The following CATSPERE variants were observed in gnomAD, a reference collection of about 807,000 sequenced individuals.
The protein encoded by CATSPERE is cation channel sperm-associated auxiliary subunit epsilon.
CATSPERE carries 93 observed loss-of-function variants against 114.1 expected under a neutral mutation model. That is an observed-to-expected ratio of 0.81 (90% CI 0.69 to 0.97). The LOEUF is 0.97. Ranked by LOEUF, CATSPERE falls within the 50% of genes least tolerant of loss-of-function variation. The pLI is 0.00. For missense variants in CATSPERE, 1,058 were observed against 1,131.6 expected (o/e 0.93, Z 0.93); for synonymous variants, 341 against 384.1 (o/e 0.89, Z 1.31).
At chr1:244,520,873 C>T (rs962824955) in intron 8 of CATSPERE, among the ~76,000 whole-genome samples, 3 of 152,024 alleles carry the variant, frequency 2.0e-5, no homozygotes, top group Admixed American at 1.3e-4. Flanking sequence ...TGAAAAGAAA[C>T]AATTATTATT....
At chr1:244,512,539 T>A (rs3006036) in intron 7 of CATSPERE, among the ~76,000 whole-genome samples, 25,981 of 152,122 alleles carry the variant, frequency 0.17, 2,449 homozygotes, top group African/African-American at 0.24. Context: ...TATTGTCATT[T>A]TTTTCAATTC....
intron 8 of CATSPERE, among the ~76,000 whole-genome samples, chr1:244,545,932 G>A (rs546413940): frequency 6.6e-6 from 1 of 152,320 alleles, no homozygotes; most frequent in East Asian, 1.9e-4. Flanking sequence ...CCTACAATGA[G>A]TTAACAGAGG....
chr1:244,628,255 T>C (rs1209860581), intron 20 of CATSPERE, among the ~76,000 whole-genome samples: 1 of 152,218 alleles, frequency 6.6e-6, no homozygotes, highest in Non-Finnish European at 1.5e-5. Flanking sequence ...TTCAGGCATC[T>C]AGTGGGGGTC....
Position 244,527,405 on chromosome 1 carries a change from G to T in CATSPERE, c.536+8707G>T, listed in dbSNP as rs9429007. ...AAGAAGAGAAATATGGCTCTGTTCC[G>T]CCCGGCTCAGCGGCAGTCAGAGTTT... On this transcript the variant is annotated intron_variant, in intron 8 of 21. Coordinates refer to ENST00000366534, the MANE Select transcript of CATSPERE (RefSeq NM_001130957.2). Among the ~76,000 whole-genome samples the T allele has an allele frequency of 7.2e-3, 1,100 of 152,246 alleles. 14 individuals are homozygous for T. Among genetic ancestry groups the T allele is most frequent in the African/African-American group, 0.025 (1,025 of 41,532 alleles).
chr1:244,451,864 G>A, upstream of CATSPERE: 1 of 1,499,198 alleles, frequency 6.7e-7, no homozygotes, highest in Non-Finnish European at 8.9e-7. The surrounding 1 kb of genome is among the most constrained non-coding windows in gnomAD (Gnocchi z 6.6). Flanking sequence ...GGCCGGCGAG[G>A]AGTGAGCGAA....
In CATSPERE at chr1:244,610,228, A is replaced by G. The variant is rs1443697009; in HGVS notation, c.2404-12A>G. 1.9e-6 allele frequency: 3 copies of G among 1,582,404 alleles called. No individual in the cohort carries two copies. The highest frequency in any genetic ancestry group is 2.6e-6 in the Non-Finnish European group (3 of 1,159,216). On this transcript the variant is annotated splice_polypyrimidine_tract_variant and intron_variant, in intron 18 of 21. Coordinates refer to ENST00000366534, the MANE Select transcript of CATSPERE (RefSeq NM_001130957.2). ...TTCTACCTACCCACATACATGTGCC[A>G]TCTTTTGACAGAGTGGTTGTTTACA...
At position 244,511,522 on chromosome 1, in the gene CATSPERE, T is replaced by A. The variant is rs960258332; in HGVS notation, c.430-7070T>A. ...TGTCATTCTGTTAATTTTTTTCTGG[T>A]TCTTTTGTATATCCTTTGTTCCTTC... On this transcript the variant is annotated intron_variant, in intron 7 of 21. Coordinates refer to ENST00000366534, the MANE Select transcript of CATSPERE (RefSeq NM_001130957.2). 8.5e-5 allele frequency among the ~76,000 whole-genome samples: 13 copies of A among 152,298 alleles called. No homozygotes were observed. The South Asian group carries it at 2.3e-3, about 27-fold the overall frequency.
rs34664118 is a variant in CATSPERE, at chr1:244,558,138, CTTTTTTTTTT to C, written c.1030-2520_1030-2511del. Among the ~76,000 whole-genome samples the C allele has an allele frequency of 3.9e-3, 422 of 109,440 alleles. 2 individuals carry two copies. The highest frequency in any genetic ancestry group is 5.9e-3 in the Non-Finnish European group (342 of 58,382). The allele number at this position is 109,440 out of a possible 152,430, so 71.8% of individuals were successfully genotyped here. ...GGCCCAATTATTTCTCTCTCTCTCT[CTTTTTTTTTT>C]TTTTTTTTTGAGACGGAGTTTTACT... On this transcript the variant is annotated intron_variant, in intron 9 of 21. Transcript: ENST00000366534.
chr1:244,481,798 G>T (rs550099882), intron 5 of CATSPERE, among the ~76,000 whole-genome samples: 89 of 152,318 alleles, frequency 5.8e-4, no homozygotes, highest in Middle Eastern at 6.8e-3. Flanking sequence ...CGAGGACCCA[G>T]TGAGAAGATA....
upstream of CATSPERE, chr1:244,451,820 C>T (rs1361285112): frequency 1.3e-6 from 2 of 1,581,066 alleles, no homozygotes; most frequent in African/African-American, 1.3e-5. The surrounding 1 kb of genome is among the most constrained non-coding windows in gnomAD (Gnocchi z 6.6). Flanking sequence ...AACGCCATGG[C>T]TCCAGTGACG....
chr1:244,529,426 GCACCTTTTCATATACCTATTTAC>G (rs1679244839), intron 8 of CATSPERE, among the ~76,000 whole-genome samples: 1 of 152,110 alleles, frequency 6.6e-6, no homozygotes, highest in African/African-American at 2.4e-5. Flanking sequence ...GTGATGTTGA[GCACCTTTTCATATACCTATTTAC>G]CATTTTTATG....
At position 244,554,884 on chromosome 1, in the gene CATSPERE, CA is replaced by C. The variant is rs570163853; in HGVS notation, c.1029+2078del. On this transcript the variant is annotated intron_variant, in intron 9 of 21. Coordinates refer to ENST00000366534, the MANE Select transcript of CATSPERE (RefSeq NM_001130957.2). ...GATGCACATAAAACACAAAAACCCT[CA>C]AAAAAAATTCTAGCAAACTGAATCA... Among the ~76,000 whole-genome samples, 811 of 152,056 alleles carry C rather than the reference CA, an allele frequency of 5.3e-3. 10 individuals are homozygous for C. The highest frequency in any genetic ancestry group is 0.019 in the African/African-American group (781 of 41,468).
At chr1:244,632,393 C>CA (rs35948602) in intron 20 of CATSPERE, among the ~76,000 whole-genome samples, 82,314 of 109,260 alleles carry the variant, frequency 0.75, 31,233 homozygotes, top group East Asian at 0.84. Flanking sequence ...GACTCCAACT[C>CA]AAAAAAAAAA....
At chr1:244,551,448 G>A (rs1283951703) in intron 8 of CATSPERE, among the ~76,000 whole-genome samples, 1 of 152,180 alleles carries the variant, frequency 6.6e-6, no homozygotes, top group African/African-American at 2.4e-5. Flanking sequence ...GTATATGTAT[G>A]TATGTAGAGA....
chr1:244,627,485 G>C (rs1424696356), intron 20 of CATSPERE, among the ~76,000 whole-genome samples: 1 of 152,026 alleles, frequency 6.6e-6, no homozygotes, highest in African/African-American at 2.4e-5. Flanking sequence ...CTGAGAGGGA[G>C]GATCACTTGA....
At chr1:244,544,410 G>A (rs1381427780) in intron 8 of CATSPERE, among the ~76,000 whole-genome samples, 1 of 152,152 alleles carries the variant, frequency 6.6e-6, no homozygotes, top group East Asian at 1.9e-4. Context: ...TTTAACTTAG[G>A]CCTATCTCAC....
At chr1:244,621,148 A>ATAT (rs1672185897) in intron 20 of CATSPERE, among the ~76,000 whole-genome samples, 1 of 64,792 alleles carries the variant, frequency 1.5e-5, no homozygotes, top group African/African-American at 5.6e-5. Flanking sequence ...AAATATATAT[A>ATAT]TTATAAAATA....
chr1:244,620,518 G>A (rs1435256373), intron 20 of CATSPERE, among the ~76,000 whole-genome samples: 1 of 152,214 alleles, frequency 6.6e-6, no homozygotes, highest in African/African-American at 2.4e-5. Context: ...GGGAAACACT[G>A]TAAGTTACAA....
At position 244,552,775 on chromosome 1, in the gene CATSPERE, T is replaced by C; in HGVS notation, c.990T>C (p.Ile330=). The C allele has an allele frequency of 6.2e-7, 1 of 1,609,414 alleles. No homozygotes were observed. Among genetic ancestry groups the C allele is most frequent in the Non-Finnish European group, 8.5e-7 (1 of 1,178,286 alleles). Residue 330 remains isoleucine (I), a synonymous_variant, in exon 9 of 22, where the codon ATT becomes ATC. Coordinates refer to ENST00000366534, the MANE Select transcript of CATSPERE (RefSeq NM_001130957.2). ...VNLPDGGITG[I]SSRKWCWVNY... ...TTCCTGATGGTGGAATTACTGGCAT[T>C]TCATCAAGAAAATGGTGTTGGGTCA...
Sources: gnomAD v4.1 joint callset for allele counts (sites outside exome capture counted in the v4.1 genomes callset) on GRCh38, gnomAD v4.1.1 for gene constraint, Gnocchi (gnomAD v3.1) non-coding constraint, MANE v1.5 for transcripts, NCBI Gene and HGNC (gene_info 2026-07-23, HGNC 2026-07-21) for gene names.